Variants in EPHA7 observed in about 807,000 individuals in gnomAD.
The protein encoded by EPHA7 is EPH receptor A7.
Under a neutral mutation model 112.6 loss-of-function variants are expected in EPHA7, and 25 were observed. The ratio of observed to expected loss-of-function variants is 0.22; its 90% CI spans 0.16 to 0.31. EPHA7 has a LOEUF of 0.31. Among genes scored for constraint, EPHA7 ranks in the 10% least tolerant of loss-of-function variants. The probability of loss-of-function intolerance (pLI) is 1.00; values close to 1 mark genes in which losing one functional copy is unlikely to be tolerated. For missense variants in EPHA7, 962 were observed against 1,212.6 expected, an observed-to-expected ratio of 0.79 and a Z score of 3.07; for synonymous variants, 437 against 406.5, an observed-to-expected ratio of 1.07 and a Z score of -0.90.
chr6:93,256,146 T>C (rs1224008208), intron 12 of EPHA7, 109 bp from the exon 13 acceptor site: 2 of 904,278 alleles, frequency 2.2e-6, no homozygotes, highest in Non-Finnish European at 3.3e-6. Context: ...ATAATAGGAA[T>C]TGTTAATTTT....
At chr6:93,407,916 T>C (rs1463791294) in intron 3 of EPHA7, among the ~76,000 whole-genome samples, 1 of 152,008 alleles carries the variant, frequency 6.6e-6, no homozygotes, top group Non-Finnish European at 1.5e-5. Context: ...ATCTATTTAC[T>C]GTGGTTTAAG....
chr6:93,282,630 T>A (rs1483899436), intron 5 of EPHA7, among the ~76,000 whole-genome samples: 1 of 152,058 alleles, frequency 6.6e-6, no homozygotes, highest in Admixed American at 6.5e-5. Context: ...CTCCTTCAGC[T>A]TGCGGGGAGG....
In EPHA7 at chr6:93,410,325, T is replaced by G. The variant is rs1361083195; in HGVS notation, c.832+176A>C. 3 of 611,988 alleles carry G rather than the reference T, an allele frequency of 4.9e-6. No homozygotes were observed. Among genetic ancestry groups the G allele is most frequent in the Non-Finnish European group, 5.8e-6 (2 of 347,440 alleles). The allele number at this position is 611,988 out of a possible 1,614,324, so 37.9% of individuals were successfully genotyped here. Reference sequence around the variant, plus strand: ...ACCTATATTGATTACATACACTTAGTGCAGATGCTACTGTAGGGCAATCAC... The same window carrying G: ...ACCTATATTGATTACATACACTTAGGGCAGATGCTACTGTAGGGCAATCAC... On this transcript the variant is annotated intron_variant, in intron 3 of 16. Transcript: ENST00000369303. This position sits in a 1 kb window ranked among gnomAD's most constrained non-coding sequence, Gnocchi z 4.0.
At chr6:93,338,145 C>T (rs892860422) in intron 5 of EPHA7, among the ~76,000 whole-genome samples, 1 of 152,068 alleles carries the variant, frequency 6.6e-6, no homozygotes, top group African/African-American at 2.4e-5. Flanking sequence ...AAAGAAAAAA[C>T]AATTTTCTGC....
chr6:93,319,923 T>G (rs1390353143), intron 5 of EPHA7, among the ~76,000 whole-genome samples: 1 of 152,140 alleles, frequency 6.6e-6, no homozygotes, highest in African/African-American at 2.4e-5. Flanking sequence ...AAAAGTTGAT[T>G]TTATATATCT....
chr6:93,389,644 C>T (rs955336394), intron 3 of EPHA7, among the ~76,000 whole-genome samples: 5 of 151,778 alleles, frequency 3.3e-5, no homozygotes, highest in African/African-American at 4.8e-5. Flanking sequence ...ATAGAACAAA[C>T]GTTGGAATAA....
chr6:93,308,912 C>T (rs1279273292), intron 5 of EPHA7, among the ~76,000 whole-genome samples: 1 of 151,840 alleles, frequency 6.6e-6, no homozygotes, highest in Non-Finnish European at 1.5e-5. Context: ...TTTTAAAAGC[C>T]CCAACTAGTT....
At chr6:93,312,294 T>C (rs553438031) in intron 5 of EPHA7, among the ~76,000 whole-genome samples, 5 of 152,214 alleles carry the variant, frequency 3.3e-5, no homozygotes, top group Non-Finnish European at 5.9e-5. Flanking sequence ...AAATTTGTTC[T>C]TTAGAGTGGT....
At chr6:93,319,411 G>C (rs189023496) in intron 5 of EPHA7, among the ~76,000 whole-genome samples, 17 of 152,112 alleles carry the variant, frequency 1.1e-4, no homozygotes, top group African/African-American at 4.1e-4. Context: ...GAACACTTCT[G>C]GTGTGTTTTA....
chr6:93,397,031 A>T (rs925488475), intron 3 of EPHA7, among the ~76,000 whole-genome samples: 1 of 151,770 alleles, frequency 6.6e-6, no homozygotes, highest in Non-Finnish European at 1.5e-5. Context: ...AATTGAGAAC[A>T]TTATCAAATT....
chr6:93,275,120 A>G (rs1171501727), intron 5 of EPHA7, among the ~76,000 whole-genome samples: 1 of 151,932 alleles, frequency 6.6e-6, no homozygotes, highest in African/African-American at 2.4e-5. Context: ...CAGTATACAA[A>G]TGAATTATAC....
chr6:93,378,641 G>A (rs895671814), intron 3 of EPHA7, among the ~76,000 whole-genome samples: 1 of 152,106 alleles, frequency 6.6e-6, no homozygotes, highest in African/African-American at 2.4e-5. Context: ...ACAATTGCAA[G>A]TAGGGTCCTC....
chr6:93,245,906 C>A (rs1427098826), intron 15 of EPHA7, among the ~76,000 whole-genome samples: 5 of 152,116 alleles, frequency 3.3e-5, no homozygotes, highest in Admixed American at 6.6e-5. Flanking sequence ...TAACTTACTA[C>A]CAATGTAAAC....
intron 15 of EPHA7, among the ~76,000 whole-genome samples, chr6:93,246,498 T>C (rs967857409): frequency 6.6e-6 from 1 of 152,188 alleles, no homozygotes; most frequent in Admixed American, 6.5e-5. Context: ...TCTGAAAATA[T>C]GAACTGCTGC....
At chr6:93,398,572 A>G (rs1778290892) in intron 3 of EPHA7, among the ~76,000 whole-genome samples, 1 of 143,780 alleles carries the variant, frequency 7.0e-6, no homozygotes, top group Non-Finnish European at 1.5e-5. Flanking sequence ...AAAACACTAT[A>G]AGAGAAGATG....
At chr6:93,276,594 G>C (rs1771482293) in intron 5 of EPHA7, among the ~76,000 whole-genome samples, 1 of 152,042 alleles carries the variant, frequency 6.6e-6, no homozygotes, top group South Asian at 2.1e-4. Flanking sequence ...TTCACTGTTT[G>C]TGGTAATCTG....
At chr6:93,352,004 T>C (rs765279448) in intron 5 of EPHA7, among the ~76,000 whole-genome samples, 1 of 152,110 alleles carries the variant, frequency 6.6e-6, no homozygotes, top group Non-Finnish European at 1.5e-5. Flanking sequence ...TAATATCAAA[T>C]AATAAGTCTT....
intron 5 of EPHA7, among the ~76,000 whole-genome samples, chr6:93,293,528 T>C (rs1772491444): frequency 6.6e-6 from 1 of 152,184 alleles, no homozygotes; most frequent in South Asian, 2.1e-4. Context: ...CTTTGACATT[T>C]GAAAGAAAAT....
chr6:93,395,147 T>C, intron 3 of EPHA7, among the ~76,000 whole-genome samples: 1 of 151,786 alleles, frequency 6.6e-6, no homozygotes. Context: ...CTAAGAAAGA[T>C]TATTAGATTT....
Sources: allele counts gnomAD v4.1 joint callset (sites outside exome capture counted in the v4.1 genomes callset), GRCh38; gene constraint gnomAD v4.1.1; non-coding constraint Gnocchi (gnomAD v3.1); transcripts MANE v1.5; gene names NCBI Gene and HGNC (gene_info 2026-07-23, HGNC 2026-07-21).